Variants in PTPRG observed in about 807,000 individuals in gnomAD.
PTPRG encodes protein tyrosine phosphatase receptor type G.
In PTPRG, 102 loss-of-function variants were observed where a neutral mutation model predicts 165.3. The ratio of observed to expected loss-of-function variants is 0.62; its 90% CI spans 0.53 to 0.73. The LOEUF (loss-of-function observed/expected upper bound fraction) is 0.73. Among genes scored for constraint, PTPRG ranks in the 30% least tolerant of loss-of-function variants. The pLI, the probability that PTPRG is intolerant of heterozygous loss-of-function variation, is 0.00. For missense variants in PTPRG, 1,866 were observed against 1,861.4 expected, an observed-to-expected ratio of 1.00 and a Z score of -0.05; for synonymous variants, 675 against 669.5, an observed-to-expected ratio of 1.01 and a Z score of -0.13.
chr3:61,822,916 C>T (rs996693298), intron 2 of PTPRG, among the ~76,000 whole-genome samples: 11 of 152,108 alleles, frequency 7.2e-5, no homozygotes, highest in Non-Finnish European at 8.8e-5. Flanking sequence ...GTTACATGGC[C>T]GATGGTGACT....
intron 2 of PTPRG, among the ~76,000 whole-genome samples, chr3:61,844,255 C>T (rs1020737551): frequency 1.1e-4 from 17 of 152,240 alleles, no homozygotes; most frequent in Admixed American, 5.9e-4. Context: ...TGAGCCACCA[C>T]GCCCAGCTGA....
At chr3:62,238,765 T>C (rs1303962203) in intron 14 of PTPRG, among the ~76,000 whole-genome samples, 2 of 152,162 alleles carry the variant, frequency 1.3e-5, no homozygotes, top group African/African-American at 4.8e-5. Context: ...ACTGATACTT[T>C]ACTGATAAGA....
intron 1 of PTPRG, among the ~76,000 whole-genome samples, chr3:61,674,711 A>G (rs1177672681): frequency 6.6e-6 from 1 of 152,156 alleles, no homozygotes; most frequent in African/African-American, 2.4e-5. Context: ...TAACTTTAAC[A>G]TCACCTCATG....
intron 2 of PTPRG, among the ~76,000 whole-genome samples, chr3:61,970,453 GAAGCTAA>G (rs2040358185): frequency 6.6e-6 from 1 of 152,186 alleles, no homozygotes; most frequent in Non-Finnish European, 1.5e-5. Context: ...GCTAGTTGTA[GAAGCTAA>G]TTTAATAGCT....
At chr3:62,120,147 T>TA (rs1311594075) in intron 5 of PTPRG, among the ~76,000 whole-genome samples, 4 of 151,966 alleles carry the variant, frequency 2.6e-5, no homozygotes, top group Admixed American at 2.6e-4. Flanking sequence ...GCAGCCAGGG[T>TA]AAAACAACTA....
intron 1 of PTPRG, among the ~76,000 whole-genome samples, chr3:61,691,436 T>A (rs973111181): frequency 6.6e-6 from 1 of 152,142 alleles, no homozygotes; most frequent in Non-Finnish European, 1.5e-5. Context: ...TGCAGAACAA[T>A]GTGCAAAATG....
intron 2 of PTPRG, among the ~76,000 whole-genome samples, chr3:61,848,113 G>A (rs1304747965): frequency 1.3e-5 from 2 of 152,316 alleles, no homozygotes; most frequent in South Asian, 4.1e-4. Flanking sequence ...GGCTGAGGAC[G>A]TAGGCAATTC....
intron 5 of PTPRG, among the ~76,000 whole-genome samples, chr3:62,086,086 A>G (rs1701743970): frequency 6.6e-6 from 1 of 152,292 alleles, no homozygotes; most frequent in South Asian, 2.1e-4. Context: ...CGACTTGTAA[A>G]TTTTAGAATT....
chr3:62,096,427 G>A lies in PTPRG; in HGVS notation c.615+18169G>A, dbSNP rs148931144. Among the ~76,000 whole-genome samples the A allele has an allele frequency of 5.7e-4, 87 of 152,206 alleles. No homozygotes were observed. The East Asian group carries it at 0.012, about 20-fold the overall frequency. On this transcript the variant is annotated intron_variant, in intron 5 of 29. Transcript: ENST00000474889. ...TTCTCATTTGATATTTTCTCCTGTC[G>A]TCTTTATTTCTTGTTTTATGTGTGT...
rs567501810 is a variant in PTPRG at position 61,630,882 on chromosome 3, C to T, written c.85+68510C>T. ...ACCAGCCTGGCCAATATGGTAAAAT[C>T]GTGTCTCTACTAAAAATACAAAAAT... On this transcript the variant is annotated intron_variant, in intron 1 of 29. Coordinates refer to ENST00000474889, the MANE Select transcript of PTPRG (RefSeq NM_002841.4). 2.0e-5 allele frequency among the ~76,000 whole-genome samples: 3 copies of T among 151,862 alleles called. No homozygotes were observed. In the East Asian group the frequency reaches 5.8e-4, roughly 29 times the overall value.
intron 2 of PTPRG, among the ~76,000 whole-genome samples, chr3:61,863,784 G>T (rs778564777): frequency 7.9e-5 from 12 of 152,120 alleles, no homozygotes; most frequent in Non-Finnish European, 1.6e-4. Flanking sequence ...ATTTAAGCTG[G>T]TCAAAGGTAA....
chr3:61,875,730 G>C lies in PTPRG; in HGVS notation c.191-113895G>C, dbSNP rs112969528. On this transcript the variant is annotated intron_variant, in intron 2 of 29. Coordinates refer to ENST00000474889, the MANE Select transcript of PTPRG (RefSeq NM_002841.4). Reference sequence around the variant, plus strand: ...GCCGAGGTCTTTCTGTTCCTTTTAAGAGTGCCATCATTTCTCGCAGAGATG... The same window carrying C: ...GCCGAGGTCTTTCTGTTCCTTTTAACAGTGCCATCATTTCTCGCAGAGATG... Among the ~76,000 whole-genome samples, 560 of 152,250 alleles carry C rather than the reference G, an allele frequency of 3.7e-3. 1 individual carries two copies. Among genetic ancestry groups the C allele is most frequent in the African/African-American group, 0.013 (541 of 41,544 alleles).
intron 5 of PTPRG, among the ~76,000 whole-genome samples, chr3:62,092,157 C>T (rs1701958413): frequency 6.6e-6 from 1 of 150,636 alleles, no homozygotes; most frequent in African/African-American, 2.4e-5. Flanking sequence ...AGACAAGGAC[C>T]GGCCGGGTCC....
chr3:61,769,768 A>G (rs1468633376), intron 2 of PTPRG: 1 of 152,194 alleles, frequency 6.6e-6, no homozygotes, highest in African/African-American at 2.4e-5. Flanking sequence ...ATGGGGAGAG[A>G]ATAAAATATG....
intron 7 of PTPRG, among the ~76,000 whole-genome samples, chr3:62,167,083 C>G (rs1705017928): frequency 6.6e-6 from 1 of 152,098 alleles, no homozygotes; most frequent in Non-Finnish European, 1.5e-5. Context: ...AGAGATGTTT[C>G]TTAATAATAT....
chr3:61,794,938 A>G (rs1334783792), intron 2 of PTPRG, among the ~76,000 whole-genome samples: 1 of 152,194 alleles, frequency 6.6e-6, no homozygotes, highest in Non-Finnish European at 1.5e-5. Context: ...AAATAAATGA[A>G]TACTAAGTTG....
At chr3:62,117,801 TTGTC>T (rs1223067255) in intron 5 of PTPRG, among the ~76,000 whole-genome samples, 1 of 152,244 alleles carries the variant, frequency 6.6e-6, no homozygotes, top group East Asian at 1.9e-4. Context: ...GTACTTTTGT[TTGTC>T]TAATAGATAT....
intron 1 of PTPRG, among the ~76,000 whole-genome samples, chr3:61,636,813 C>T (rs1701922602): frequency 6.6e-6 from 1 of 152,220 alleles, no homozygotes; most frequent in South Asian, 2.1e-4. Flanking sequence ...TCTGTCTGCT[C>T]CTGCACTGTG....
chr3:61,915,724 G>C (rs540532112), intron 2 of PTPRG, among the ~76,000 whole-genome samples: 2 of 152,148 alleles, frequency 1.3e-5, no homozygotes, highest in African/African-American at 2.4e-5. Flanking sequence ...TTATGTTTCA[G>C]ATGCTCTATG....
Sources: gnomAD v4.1 joint callset for allele counts (sites outside exome capture counted in the v4.1 genomes callset) on GRCh38, gnomAD v4.1.1 for gene constraint, MANE v1.5 for transcripts, NCBI Gene and HGNC (gene_info 2026-07-23, HGNC 2026-07-21) for gene names.